The following PPFIA2 variants were observed in gnomAD, a reference collection of about 807,000 sequenced individuals.
PPFIA2 encodes the protein liprin-alpha-2.
PPFIA2 carries 46 observed loss-of-function variants against 175.5 expected under a neutral mutation model. That is an observed-to-expected ratio of 0.26 (90% CI 0.21 to 0.34). PPFIA2 has a LOEUF of 0.34. Among genes scored for constraint, PPFIA2 ranks in the 10% least tolerant of loss-of-function variants. PPFIA2 has a pLI of 1.00. For synonymous variants in PPFIA2, 568 were observed against 511.4 expected (o/e 1.11, Z -1.49); for missense variants, 1,179 against 1,506.1 (o/e 0.78, Z 3.60).
chr12:81,353,051 A>G, intron 17 of PPFIA2, 68 bp downstream of exon 17: 1 of 1,389,388 alleles, frequency 7.2e-7, no homozygotes, highest in Non-Finnish European at 1.0e-6. Flanking sequence ...CTGATCTAGT[A>G]ATTACATTTT....
At chr12:81,643,417 C>G (rs1010038271) in intron 4 of PPFIA2, among the ~76,000 whole-genome samples, 1 of 151,928 alleles carries the variant, frequency 6.6e-6, no homozygotes, top group African/African-American at 2.4e-5. Context: ...AAGTCTACAG[C>G]TTCTAGTTCT....
intron 4 of PPFIA2, among the ~76,000 whole-genome samples, chr12:81,662,151 A>C (rs1325035800): frequency 1.3e-5 from 2 of 152,190 alleles, no homozygotes; most frequent in Non-Finnish European, 2.9e-5. Flanking sequence ...TAGAGAAGCA[A>C]GAGCAAACAC....
At chr12:81,498,292 A>C (rs1007129291) in intron 4 of PPFIA2, among the ~76,000 whole-genome samples, 1 of 152,188 alleles carries the variant, frequency 6.6e-6, no homozygotes, top group Non-Finnish European at 1.5e-5. Context: ...CAGATTTTTC[A>C]ATTTCTACTA....
chr12:81,303,334 G>A (rs1270404139), intron 22 of PPFIA2, among the ~76,000 whole-genome samples: 2 of 152,170 alleles, frequency 1.3e-5, no homozygotes, highest in East Asian at 1.9e-4. Context: ...AGGATCACCC[G>A]TACATCACTA....
At chr12:81,364,972 A>G (rs2032653907) in intron 14 of PPFIA2, among the ~76,000 whole-genome samples, 1 of 151,660 alleles carries the variant, frequency 6.6e-6, no homozygotes, top group Admixed American at 6.6e-5. Context: ...ATAGACTGGC[A>G]TGTTACATTT....
intron 4 of PPFIA2, among the ~76,000 whole-genome samples, chr12:81,620,003 CA>C (rs1378053154): frequency 6.6e-6 from 1 of 151,266 alleles, no homozygotes. Flanking sequence ...ACTGAAAATA[CA>C]AAAAAATTAT....
chr12:81,604,625 T>G (rs1353426998), intron 4 of PPFIA2, among the ~76,000 whole-genome samples: 2 of 151,582 alleles, frequency 1.3e-5, no homozygotes, highest in East Asian at 3.9e-4. Context: ...ATATCACACC[T>G]CAAATAAAAT....
intron 22 of PPFIA2, among the ~76,000 whole-genome samples, chr12:81,315,039 G>A (rs541729668): frequency 8.5e-4 from 129 of 151,658 alleles, no homozygotes; most frequent in Non-Finnish European, 1.0e-3. Flanking sequence ...AAGACAGATG[G>A]GGCAAGTGTT....
intron 22 of PPFIA2, among the ~76,000 whole-genome samples, chr12:81,310,342 C>T (rs1270604229): frequency 1.3e-5 from 2 of 152,028 alleles, no homozygotes; most frequent in Non-Finnish European, 2.9e-5. Context: ...ATTATATTAT[C>T]CAAAGCTTTC....
At chr12:81,584,212 T>C (rs900654350) in intron 4 of PPFIA2, among the ~76,000 whole-genome samples, 1 of 151,918 alleles carries the variant, frequency 6.6e-6, no homozygotes, top group Non-Finnish European at 1.5e-5. Context: ...AAACATGTGA[T>C]TCCTTATATA....
At chr12:81,438,577 G>GTA (rs2049539632) in intron 7 of PPFIA2, among the ~76,000 whole-genome samples, 1 of 152,176 alleles carries the variant, frequency 6.6e-6, no homozygotes, top group African/African-American at 2.4e-5. Flanking sequence ...TATGCATAAT[G>GTA]TATATGTAAA....
chr12:81,730,397 T>C (rs983799835), intron 3 of PPFIA2, among the ~76,000 whole-genome samples: 19 of 151,588 alleles, frequency 1.3e-4, no homozygotes, highest in African/African-American at 4.6e-4. Context: ...TTTACTATCA[T>C]GGCGGAAGGC....
At chr12:81,516,438 C>T (rs1175308929) in intron 4 of PPFIA2, among the ~76,000 whole-genome samples, 1 of 152,068 alleles carries the variant, frequency 6.6e-6, no homozygotes, top group Admixed American at 6.6e-5. Flanking sequence ...CCAAATATGT[C>T]GAAGTCCTAA....
chr12:81,545,074 A>G (rs944759431), intron 4 of PPFIA2, among the ~76,000 whole-genome samples: 1 of 144,268 alleles, frequency 6.9e-6, no homozygotes, highest in African/African-American at 2.5e-5. Context: ...TTATGGCTTC[A>G]CAGGTTTTAG....
intron 22 of PPFIA2, among the ~76,000 whole-genome samples, chr12:81,303,451 G>T (rs1950101): frequency 0.91 from 138,139 of 152,142 alleles, 63,459 homozygotes; most frequent in South Asian, 0.98. Flanking sequence ...TTATCACTTG[G>T]GTCAAAACAC....
chr12:81,366,980 G>C, intron 14 of PPFIA2, 128 bp downstream of exon 14: 1 of 1,094,344 alleles, frequency 9.1e-7, no homozygotes. Context: ...ATTCTAAAAA[G>C]TTAAAATTGT....
intron 4 of PPFIA2, among the ~76,000 whole-genome samples, chr12:81,513,196 G>C (rs897202736): frequency 2.0e-5 from 3 of 152,010 alleles, no homozygotes; most frequent in African/African-American, 7.2e-5. Flanking sequence ...AAACCACAAT[G>C]AGATACCAAC....
At chr12:81,294,801 C>T in intron 24 of PPFIA2, 34 bp downstream of exon 24, 2 of 1,597,448 alleles carry the variant, frequency 1.3e-6, no homozygotes, top group Non-Finnish European at 1.7e-6. Flanking sequence ...ATTTGCCTAG[C>T]ACTGAGGAAG....
intron 4 of PPFIA2, among the ~76,000 whole-genome samples, chr12:81,664,381 A>C (rs1185216470): frequency 2.0e-5 from 3 of 152,136 alleles, no homozygotes; most frequent in Admixed American, 6.5e-5. Flanking sequence ...TGGGCAAAGG[A>C]TATGAACAGA....
Sources: gnomAD v4.1 joint callset for allele counts (sites outside exome capture counted in the v4.1 genomes callset) on GRCh38, gnomAD v4.1.1 for gene constraint, MANE v1.5 for transcripts, NCBI Gene and HGNC (gene_info 2026-07-23, HGNC 2026-07-21) for gene names.